UTRN: variants seen among roughly 807,000 people sequenced by gnomAD.
The protein encoded by UTRN is utrophin.
A neutral mutation model predicts 463.9 loss-of-function variants in UTRN; 283 were observed. That is an observed-to-expected ratio of 0.61 (90% confidence interval 0.55 to 0.67). The LOEUF (loss-of-function observed/expected upper bound fraction) is 0.67. UTRN is among the 30% of genes least tolerant of loss of function. The probability of loss-of-function intolerance (pLI) is 0.00; values close to 1 mark genes in which losing one functional copy is unlikely to be tolerated. For missense variants in UTRN, 3,922 were observed against 4,084.3 expected (o/e 0.96, Z 1.08); for synonymous variants, 1,442 against 1,431.5 (o/e 1.01, Z -0.17).
chr6:144,821,081 G>C, intron 66 of UTRN, 63 bp downstream of exon 66: 1 of 1,552,950 alleles, frequency 6.4e-7, no homozygotes. Flanking sequence ...TCTTTTTTAT[G>C]TTAGTAACAC....
chr6:144,558,949 T>C (rs565700112), intron 50 of UTRN, among the ~76,000 whole-genome samples: 1 of 152,016 alleles, frequency 6.6e-6, no homozygotes, highest in Admixed American at 6.6e-5. Context: ...ATAGCTAACA[T>C]AAAAAAAAGA....
At chr6:144,526,677 A>T (rs1049587746) in intron 41 of UTRN, among the ~76,000 whole-genome samples, 1 of 149,532 alleles carries the variant, frequency 6.7e-6, no homozygotes, top group African/African-American at 2.5e-5. Flanking sequence ...GGCCATTTAC[A>T]TTGAATGTTA....
intron 54 of UTRN, among the ~76,000 whole-genome samples, chr6:144,745,972 T>G (rs1284313253): frequency 6.6e-6 from 1 of 151,176 alleles, no homozygotes; most frequent in Non-Finnish European, 1.5e-5. Flanking sequence ...ATATACAATA[T>G]AAGTATTATA....
intron 2 of UTRN, among the ~76,000 whole-genome samples, chr6:144,368,644 C>G (rs1460189320): frequency 1.3e-5 from 2 of 151,970 alleles, no homozygotes; most frequent in Non-Finnish European, 2.9e-5. Context: ...TGTGGTGGTG[C>G]ACGCCTGTAG....
At chr6:144,599,763 C>T (rs1804045129) in intron 51 of UTRN, among the ~76,000 whole-genome samples, 1 of 152,022 alleles carries the variant, frequency 6.6e-6, no homozygotes, top group South Asian at 2.1e-4. Flanking sequence ...TAATGTCTTA[C>T]TTTCATTTCA....
At chr6:144,374,839 G>C (rs1325626938) in intron 2 of UTRN, among the ~76,000 whole-genome samples, 1 of 151,394 alleles carries the variant, frequency 6.6e-6, no homozygotes, top group Non-Finnish European at 1.5e-5. Flanking sequence ...CCAGGTACTT[G>C]GGTGACTGAG....
chr6:144,358,217 T>C (rs765205028), intron 2 of UTRN, among the ~76,000 whole-genome samples: 28 of 152,250 alleles, frequency 1.8e-4, no homozygotes, highest in Non-Finnish European at 3.1e-4. Flanking sequence ...ATATGACTGC[T>C]ACTTTTGATA....
chr6:144,603,648 AT>A (rs1177653415), intron 51 of UTRN, among the ~76,000 whole-genome samples: 1 of 152,130 alleles, frequency 6.6e-6, no homozygotes, highest in Non-Finnish European at 1.5e-5. Flanking sequence ...AATGAGGTAT[AT>A]TTTTCCCTAA....
Position 144,554,724 on chromosome 6 carries a change from A to G in UTRN, c.6965A>G (p.His2322Arg), listed in dbSNP as rs1165035331. The G allele has an allele frequency of 6.2e-7, 1 of 1,613,874 alleles. No individual in the cohort carries two copies. Among genetic ancestry groups the G allele is most frequent in the Admixed American group, 1.7e-5 (1 of 59,986 alleles). The change falls in exon 49 of 75, where the codon CAT becomes CGT. Residue 2322 changes from histidine (H) to arginine (R), a missense_variant. Physicochemically the swap from His to Arg is conservative, Grantham distance 29. Around this residue, in one of 3 missense-constraint regions of UTRN, gnomAD observed 1,309 missense variants for 1,452.6 expected, o/e 0.90. Transcript: ENST00000367545. ...RVKNQWDGTQ[H>R]GVELRQQQLE... ...AAGAACCAGTGGGATGGCACCCAGC[A>G]TGGCGTTGAGCTAAGACAGCAGCAG...
Position 144,459,206 on chromosome 6 carries a change from C to G in UTRN, c.2559C>G (p.Pro853=). 1 of 1,613,226 alleles carries G rather than the reference C, an allele frequency of 6.2e-7. No individual in the cohort carries two copies. The highest frequency in any genetic ancestry group is 8.5e-7 in the Non-Finnish European group (1 of 1,179,718). ...TGACAAATCTTCTTGGCCTTCACCC[C>G]AAAATTGAAATGGCTCGTGCAAGCT... ...RELTNLLGLH[P]KIEMARASCS... The change falls in exon 21 of 75, where the codon CCC becomes CCG. Residue 853 remains proline (P), a synonymous_variant. Transcript: ENST00000367545.
chr6:144,635,524 T>C (rs1777057233), intron 51 of UTRN, among the ~76,000 whole-genome samples: 2 of 77,572 alleles, frequency 2.6e-5, no homozygotes, highest in African/African-American at 5.3e-5. Context: ...CTTTTTTTTT[T>C]TTTTTCTTTT....
chr6:144,431,097 A>C (rs762900900), intron 9 of UTRN, among the ~76,000 whole-genome samples: 2 of 152,210 alleles, frequency 1.3e-5, no homozygotes, highest in Non-Finnish European at 2.9e-5. Flanking sequence ...TTATTATTCT[A>C]CATTAATGAT....
chr6:144,768,506 G>C (rs1417107605), intron 58 of UTRN, among the ~76,000 whole-genome samples: 1 of 152,092 alleles, frequency 6.6e-6, no homozygotes, highest in African/African-American at 2.4e-5. Flanking sequence ...AATACAAAAA[G>C]AGCATGTTTC....
At chr6:144,696,571 C>A (rs1208164732) in intron 52 of UTRN, among the ~76,000 whole-genome samples, 2 of 152,140 alleles carry the variant, frequency 1.3e-5, no homozygotes, top group Non-Finnish European at 2.9e-5. Context: ...GGAGTAGGAA[C>A]AATCTTTTAA....
intron 51 of UTRN, among the ~76,000 whole-genome samples, chr6:144,644,082 A>G (rs1280041772): frequency 6.6e-6 from 1 of 152,250 alleles, no homozygotes; most frequent in Non-Finnish European, 1.5e-5. Context: ...AATAAGAGGC[A>G]TGAATCCACA....
At position 144,367,310 on chromosome 6, in the gene UTRN, A is replaced by T. The variant is rs982362534; in HGVS notation, c.80-35813A>T. On this transcript the variant is annotated intron_variant, in intron 2 of 74. Coordinates refer to ENST00000367545, the MANE Select transcript of UTRN (RefSeq NM_007124.3). ...CCTCTACCTGCGTTTTTAATAAAGG[A>T]TTATACATGAGTCAAGGATTTGTTA... Among the ~76,000 whole-genome samples the T allele has an allele frequency of 2.1e-5, 3 of 144,720 alleles. No individual in the cohort carries two copies. In the Admixed American group the frequency reaches 2.1e-4, roughly 10 times the overall value. The allele number at this position is 144,720 out of a possible 152,430, so 94.9% of individuals were successfully genotyped here.
chr6:144,805,568 C>G (rs939634400), intron 65 of UTRN, among the ~76,000 whole-genome samples: 1 of 152,130 alleles, frequency 6.6e-6, no homozygotes, highest in Non-Finnish European at 1.5e-5. Flanking sequence ...AAGCCTGTTC[C>G]CCAAGGGGCG....
intron 3 of UTRN, among the ~76,000 whole-genome samples, chr6:144,405,222 A>G (rs1293658480): frequency 2.0e-5 from 3 of 152,246 alleles, no homozygotes; most frequent in Non-Finnish European, 4.4e-5. Context: ...ATCAAAACCT[A>G]GAAGGAATTT....
At chr6:144,308,714 C>T (rs973039481) in intron 2 of UTRN, among the ~76,000 whole-genome samples, 3 of 152,288 alleles carry the variant, frequency 2.0e-5, no homozygotes, top group African/African-American at 7.2e-5. Context: ...GTACATTGTA[C>T]CCATCCTCCT....
Sources: gnomAD v4.1 joint callset for allele counts (sites outside exome capture counted in the v4.1 genomes callset) on GRCh38, gnomAD v4.1.1 for gene constraint, gnomAD v4.1.1 regional missense constraint, MANE v1.5 for transcripts, NCBI Gene and HGNC (gene_info 2026-07-23, HGNC 2026-07-21) for gene names.